The following ANPEP variants were observed in gnomAD, a reference collection of about 807,000 sequenced individuals.
ANPEP encodes the protein aminopeptidase N.
A neutral mutation model predicts 114.6 loss-of-function variants in ANPEP; 70 were observed. The observed-to-expected ratio is 0.61, with a 90% CI of 0.50 to 0.75. ANPEP has a LOEUF of 0.75. ANPEP is among the 30% of genes least tolerant of loss of function. The pLI, the probability that ANPEP is intolerant of heterozygous loss-of-function variation, is 0.00. For missense variants in ANPEP, 1,184 were observed against 1,259.5 expected (o/e 0.94, Z 0.91); for synonymous variants, 548 against 522.3 (o/e 1.05, Z -0.67).
chr15:89,806,294 T>C lies in ANPEP; in HGVS notation c.290A>G (p.Asp97Gly). Residue 97 changes from aspartate to glycine, a missense_variant, in exon 2 of 21, where the codon GAC becomes GGC. Asp to Gly is a moderately conservative substitution (Grantham distance 94). Coordinates refer to ENST00000300060, the MANE Select transcript of ANPEP (RefSeq NM_001150.3). The surrounding 1 kb of genome is among the most constrained non-coding windows in gnomAD (Gnocchi z 5.7). ...GCCCTTAAAAACGTACAGGCCCCTGTCATTGGGGGTGAGGTACGGTCTCAG... is the reference window on the plus strand; with the variant it reads ...GCCCTTAAAAACGTACAGGCCCCTGCCATTGGGGGTGAGGTACGGTCTCAG... ...VTLRPYLTPN[D>G]RGLYVFKGSS... The C allele has an allele frequency of 6.2e-7, 1 of 1,614,032 alleles. No homozygotes were observed. Among genetic ancestry groups the C allele is most frequent in the East Asian group, 2.2e-5 (1 of 44,872 alleles).
intron 11 of ANPEP, 41 bp downstream of exon 11, chr15:89,801,394 C>A (rs200627957): frequency 1.2e-6 from 2 of 1,608,216 alleles, no homozygotes; most frequent in African/African-American, 2.7e-5. Flanking sequence ...TGCCCTCTAC[C>A]CCACCCACCT....
chr15:89,808,427 C>T (rs1263863643), intron 1 of ANPEP, among the ~76,000 whole-genome samples: 1 of 152,264 alleles, frequency 6.6e-6, no homozygotes, highest in East Asian at 1.9e-4. Context: ...CTGCAGGCCC[C>T]ATGACAGCAG....
At chr15:89,788,772 T>TTTAC (rs1346394067) in intron 20 of ANPEP, among the ~76,000 whole-genome samples, 7 of 147,114 alleles carry the variant, frequency 4.8e-5, no homozygotes, top group African/African-American at 1.8e-4. Flanking sequence ...AGCTTATTTA[T>TTTAC]TTATTTATTT....
chr15:89,808,336 C>A (rs1379265101), intron 1 of ANPEP, among the ~76,000 whole-genome samples: 2 of 152,222 alleles, frequency 1.3e-5, no homozygotes, highest in Non-Finnish European at 2.9e-5. Flanking sequence ...GCTCCATTAG[C>A]TCCACAGACC....
At chr15:89,794,046 C>T (rs1271685314) in intron 15 of ANPEP, among the ~76,000 whole-genome samples, 1 of 152,054 alleles carries the variant, frequency 6.6e-6, no homozygotes, top group African/African-American at 2.4e-5. Context: ...GAGGCAACAG[C>T]GGATGCAAGG....
Position 89,804,261 on chromosome 15 carries a change from C to T in ANPEP, c.1171G>A (p.Ala391Thr). Reference sequence around the variant, plus strand: ...CCGAGATGGGGGTCTACCTGGTGGGCCAGCTCATGAGCAATCACAGTGACC... The same window carrying T: ...CCGAGATGGGGGTCTACCTGGTGGGTCAGCTCATGAGCAATCACAGTGACC... ...RVVTVIAHEL[A>T]HQWFGNLVTI... Residue 391 changes from alanine (A) to threonine (T), a missense_variant, in exon 6 of 21, where the codon GCC (alanine) becomes ACC (threonine). Physicochemically the swap from Ala to Thr is moderately conservative, Grantham distance 58 (BLOSUM62 0). Coordinates refer to ENST00000300060, the MANE Select transcript of ANPEP (RefSeq NM_001150.3). 6.2e-7 allele frequency: 1 copy of T among 1,614,180 alleles called. No individual in the cohort carries two copies. The highest frequency in any genetic ancestry group is 8.5e-7 in the Non-Finnish European group (1 of 1,180,020).
intron 1 of ANPEP, among the ~76,000 whole-genome samples, chr15:89,811,786 T>C (rs1186091470): frequency 6.6e-6 from 1 of 152,280 alleles, no homozygotes; most frequent in Non-Finnish European, 1.5e-5. Context: ...CTGCGGGTTG[T>C]CTTTGGTGCA....
chr15:89,797,475 G>T, intron 15 of ANPEP, 100 bp downstream of exon 15: 2 of 1,434,302 alleles, frequency 1.4e-6, no homozygotes, highest in South Asian at 1.5e-5. Context: ...AAGGTTCCCT[G>T]ACCAGGAGTC....
intron 1 of ANPEP, among the ~76,000 whole-genome samples, chr15:89,813,403 G>T (rs1567164754): frequency 6.6e-6 from 1 of 152,236 alleles, no homozygotes; most frequent in African/African-American, 2.4e-5. Context: ...TTCCCCAGAA[G>T]GCTCTGGGGG....
rs112470683 is a variant in ANPEP, at chr15:89,811,013, C to T, written c.-224+3759G>A. Among the ~76,000 whole-genome samples, 3 of 152,382 alleles carry T rather than the reference C, an allele frequency of 2.0e-5. 1 individual carries two copies. The highest frequency in any genetic ancestry group is 7.2e-5 in the African/African-American group (3 of 41,590). Reference sequence around the variant, plus strand: ...CTGCCCCCAGGCAGCCCTCCAAGTGCCTCCATGAGGGTAGCACCAGGTGTG... The same window carrying T: ...CTGCCCCCAGGCAGCCCTCCAAGTGTCTCCATGAGGGTAGCACCAGGTGTG... On this transcript the variant is annotated intron_variant, in intron 1 of 20. Coordinates refer to ENST00000300060, the MANE Select transcript of ANPEP (RefSeq NM_001150.3).
Position 89,813,991 on chromosome 15 carries a change from T to TGGGG in ANPEP, c.-224+777_-224+780dup, listed in dbSNP as rs201152904. 8.9e-3 allele frequency among the ~76,000 whole-genome samples: 989 copies of TGGGG among 110,892 alleles called. 41 individuals are homozygous for TGGGG. The highest frequency in any genetic ancestry group is 0.03 in the African/African-American group (681 of 22,944). 72.7% of individuals were successfully genotyped at this position (110,892 alleles called of 152,430 possible). On this transcript the variant is annotated intron_variant, in intron 1 of 20. Transcript: ENST00000300060. ...GGGCCGTCCCTGCCCACCGCACTGCTGGGGGGGGGGGGTGCGTTCTGGAGT... is the reference window on the plus strand; with the variant it reads ...GGGCCGTCCCTGCCCACCGCACTGCTGGGGGGGGGGGGGGGGTGCGTTCTGGAGT...
chr15:89,802,791 G>A (rs1167644747), intron 10 of ANPEP: 6 of 191,752 alleles, frequency 3.1e-5, no homozygotes, highest in Admixed American at 5.4e-5. Flanking sequence ...AGAGGAACTC[G>A]AGCCGGGGCA....
chr15:89,805,210 G>T lies in ANPEP; in HGVS notation c.765C>A (p.Ser255Arg), dbSNP rs1246988952. 1 of 1,614,242 alleles carries T rather than the reference G, an allele frequency of 6.2e-7. No homozygotes were observed. Among genetic ancestry groups the T allele is most frequent in the East Asian group, 2.2e-5 (1 of 44,870 alleles). Residue 255 changes from serine (S) to arginine (R), a missense_variant, in exon 4 of 21, where the codon AGC (serine) becomes AGA (arginine). Physicochemically the swap from Ser to Arg is moderately radical, Grantham distance 110 (BLOSUM62 -1). Coordinates refer to ENST00000300060, the MANE Select transcript of ANPEP (RefSeq NM_001150.3). Reference protein sequence around the residue: ...ALSNMLPKGPSTPLPEDPNWN... With the variant: ...ALSNMLPKGPRTPLPEDPNWN... ...AGTTGGGGTCTTCTGGAAGTGGGGT[G>T]CTGGGACCTGGGCAGGGAGCATGTG...
chr15:89,806,460 T>G lies in ANPEP; in HGVS notation c.124A>C (p.Asn42His). Residue 42 changes from asparagine (N) to histidine (H), a missense_variant, in exon 2 of 21, where the codon AAC (asparagine) becomes CAC (histidine). Physicochemically the swap from Asn to His is moderately conservative, Grantham distance 68. Transcript: ENST00000300060. The surrounding 1 kb of genome is among the most constrained non-coding windows in gnomAD (Gnocchi z 5.7). ...GTGGTGGAGGCCACGGGGGAGCTGTTGGCGTTCTTGTTCTTCTCCTGGGAG... is the reference window on the plus strand; with the variant it reads ...GTGGTGGAGGCCACGGGGGAGCTGTGGGCGTTCTTGTTCTTCTCCTGGGAG... ...VYSQEKNKNA[N>H]SSPVASTTPS... 6.2e-7 allele frequency: 1 copy of G among 1,614,106 alleles called. No individual in the cohort carries two copies. Among genetic ancestry groups the G allele is most frequent in the Non-Finnish European group, 8.5e-7 (1 of 1,179,976 alleles).
chr15:89,805,288 CT>C, intron 3 of ANPEP, 32 bp downstream of exon 3: 1 of 1,613,148 alleles, frequency 6.2e-7, no homozygotes, highest in Non-Finnish European at 8.5e-7. Flanking sequence ...TGCCTGCCCC[CT>C]GGCCCTGTGG....
rs1041175255 is a variant in ANPEP, at chr15:89,801,500, C to T, written c.1677G>A (p.Gly559=). 6.2e-7 allele frequency: 1 copy of T among 1,614,132 alleles called. No individual in the cohort carries two copies. Among genetic ancestry groups the T allele is most frequent in the East Asian group, 2.2e-5 (1 of 44,892 alleles). Residue 559 remains glycine, a synonymous_variant, in exon 11 of 21, where the codon GGG becomes GGA. Coordinates refer to ENST00000300060, the MANE Select transcript of ANPEP (RefSeq NM_001150.3). ...GGAGGAAGTGCTCCTGGGAAAGGGT[C>T]CCCGTGCTGGTATCCACCGTGATGA... is the stretch of plus-strand genomic sequence containing the variant. ...FPVITVDTST[G]TLSQEHFLLD...
Position 89,790,974 on chromosome 15 carries a change from T to G in ANPEP, c.2648A>C (p.Asn883Thr). ...TCACTCGTTAAAAAGCTTCTTCCAGTTGCTCTGGACAAAGTCCCAGACCAG... is the reference window on the plus strand; with the variant it reads ...TCACTCGTTAAAAAGCTTCTTCCAGGTGCTCTGGACAAAGTCCCAGACCAG... ...QGLVWDFVQS[N>T]WKKLFNDYGG... Residue 883 changes from asparagine to threonine, a missense_variant, in exon 19 of 21, where the codon AAC (asparagine) becomes ACC (threonine). Physicochemically the swap from Asn to Thr is moderately conservative, Grantham distance 65 (BLOSUM62 0). Transcript: ENST00000300060. 5.0e-6 allele frequency: 8 copies of G among 1,614,128 alleles called. No individual in the cohort carries two copies. Among genetic ancestry groups the G allele is most frequent in the Non-Finnish European group, 6.8e-6 (8 of 1,179,996 alleles).
rs567487315 is a variant in ANPEP, at chr15:89,803,463, G to A, written c.1482C>T (p.Asp494=). The A allele has an allele frequency of 1.0e-5, 16 of 1,605,344 alleles. No individual in the cohort carries two copies. Among genetic ancestry groups the A allele is most frequent in the African/African-American group, 8.0e-5 (6 of 74,846 alleles). Residue 494 remains aspartate (D), a synonymous_variant, in exon 9 of 21, where the codon GAC becomes GAT. Transcript: ENST00000300060. The surrounding 1 kb of genome is among the most constrained non-coding windows in gnomAD (Gnocchi z 4.2). ...TCACCGCCAGGCCCTGCTTGAATAC[G>A]TCCTCGGACAGGAAGCTGGAGAGCA... ...LRMLSSFLSE[D]VFKQGLASYL...
intron 10 of ANPEP, among the ~76,000 whole-genome samples, chr15:89,801,821 A>T (rs535836307): frequency 6.6e-6 from 1 of 152,326 alleles, no homozygotes; most frequent in African/African-American, 2.4e-5. Context: ...CTTCCCAGCA[A>T]ATCTATGAGG....
Sources: gnomAD v4.1 joint callset for allele counts (sites outside exome capture counted in the v4.1 genomes callset) on GRCh38, gnomAD v4.1.1 for gene constraint, Gnocchi (gnomAD v3.1) non-coding constraint, MANE v1.5 for transcripts, NCBI Gene and HGNC (gene_info 2026-07-23, HGNC 2026-07-21) for gene names.